The following TNNI3K variants were observed in gnomAD, a reference collection of about 807,000 sequenced individuals.
The protein encoded by TNNI3K is TNNI3 interacting kinase, also known as serine/threonine-protein kinase TNNI3K.
In TNNI3K, 140 loss-of-function variants were observed where a neutral mutation model predicts 114.5. The ratio of observed to expected loss-of-function variants is 1.22; its 90% confidence interval spans 1.07 to 1.41. The LOEUF (loss-of-function observed/expected upper bound fraction) is 1.41, where lower values mean the gene tolerates loss of function less well. Among genes scored for constraint, TNNI3K ranks in the 40% most tolerant of loss-of-function variants. The pLI, the probability that TNNI3K is intolerant of heterozygous loss-of-function variation, is 0.00. For missense variants in TNNI3K, 1,125 were observed against 1,007.6 expected, an observed-to-expected ratio of 1.12 and a Z score of -1.58; for synonymous variants, 347 against 347.5, an observed-to-expected ratio of 1.00 and a Z score of 0.02.
intron 11 of TNNI3K, among the ~76,000 whole-genome samples, chr1:74,365,715 T>C (rs973691829): frequency 6.6e-6 from 1 of 152,092 alleles, no homozygotes; most frequent in African/African-American, 2.4e-5. Flanking sequence ...TGTTGGCTAA[T>C]GTCCTTAAAT....
chr1:74,279,568 A>G (rs1355848825), intron 5 of TNNI3K, among the ~76,000 whole-genome samples: 1 of 144,152 alleles, frequency 6.9e-6, no homozygotes, highest in Middle Eastern at 3.3e-3. Context: ...TTTAAAAGAG[A>G]TATCTGAGGA....
chr1:74,518,075 G>A (rs1175736298), intron 23 of TNNI3K, among the ~76,000 whole-genome samples: 1 of 152,190 alleles, frequency 6.6e-6, no homozygotes, highest in African/African-American at 2.4e-5. Flanking sequence ...TAGGGCAGCC[G>A]TGTGCAGGTT....
intron 23 of TNNI3K, among the ~76,000 whole-genome samples, chr1:74,516,104 G>A (rs138757356): frequency 2.0e-5 from 3 of 152,192 alleles, no homozygotes; most frequent in Non-Finnish European, 4.4e-5. Context: ...GGCTGAGAAT[G>A]TAGGTCTGAA....
chr1:74,532,515 T>C (rs912963920), intron 23 of TNNI3K, among the ~76,000 whole-genome samples: 1 of 152,076 alleles, frequency 6.6e-6, no homozygotes, highest in East Asian at 1.9e-4. Context: ...AGGGTACATG[T>C]GCACAATGTG....
intron 23 of TNNI3K, among the ~76,000 whole-genome samples, chr1:74,513,367 G>C (rs1295116047): frequency 6.6e-6 from 1 of 152,196 alleles, no homozygotes; most frequent in Non-Finnish European, 1.5e-5. Context: ...GGGGATGCAG[G>C]GGCACTGGTA....
intron 20 of TNNI3K, among the ~76,000 whole-genome samples, chr1:74,445,413 T>A (rs1666598957): frequency 8.8e-6 from 1 of 113,524 alleles, no homozygotes; most frequent in Non-Finnish European, 1.7e-5. Context: ...ATATTCCCCT[T>A]CCTGTGTCCA....
chr1:74,353,953 T>G (rs536261540), intron 10 of TNNI3K, 27 bp from the exon 11 acceptor site: 1 of 1,585,932 alleles, frequency 6.3e-7, no homozygotes, highest in Non-Finnish European at 8.6e-7. Flanking sequence ...TTTCTCCTTT[T>G]GTTCTTTCAA....
intron 23 of TNNI3K, among the ~76,000 whole-genome samples, chr1:74,508,692 G>A (rs1670031358): frequency 1.3e-5 from 2 of 152,168 alleles, no homozygotes; most frequent in Non-Finnish European, 2.9e-5. Context: ...CCCAACCCGG[G>A]GCATATGTCT....
intron 21 of TNNI3K, among the ~76,000 whole-genome samples, chr1:74,473,739 G>A (rs113641585): frequency 1.2e-3 from 179 of 152,134 alleles, no homozygotes; most frequent in African/African-American, 4.1e-3. Context: ...CTGCTTGTTC[G>A]CTGTGTATTG....
chr1:74,334,321 T>C (rs2100420760), intron 6 of TNNI3K, among the ~76,000 whole-genome samples: 1 of 152,332 alleles, frequency 6.6e-6, no homozygotes, highest in East Asian at 1.9e-4. Flanking sequence ...TACCACATTC[T>C]TGAGAGATTT....
At chr1:74,248,436 G>A (rs546260996) in intron 2 of TNNI3K, among the ~76,000 whole-genome samples, 3 of 152,186 alleles carry the variant, frequency 2.0e-5, no homozygotes, top group South Asian at 2.1e-4. Flanking sequence ...GAGAGCGAGC[G>A]AGGGCTGCTA....
intron 5 of TNNI3K, among the ~76,000 whole-genome samples, chr1:74,287,745 C>T (rs1382696585): frequency 6.6e-6 from 1 of 151,998 alleles, no homozygotes; most frequent in Non-Finnish European, 1.5e-5. Context: ...TTGCATCAAA[C>T]TAAAAAGCAT....
intron 5 of TNNI3K, among the ~76,000 whole-genome samples, chr1:74,273,508 A>G (rs1336290927): frequency 6.6e-6 from 1 of 151,972 alleles, no homozygotes; most frequent in Non-Finnish European, 1.5e-5. Flanking sequence ...ATTACAGACT[A>G]TGTCTTCAAA....
At chr1:74,512,288 C>G (rs2100384821) in intron 23 of TNNI3K, among the ~76,000 whole-genome samples, 1 of 152,264 alleles carries the variant, frequency 6.6e-6, no homozygotes, top group East Asian at 1.9e-4. Context: ...GACATAGACA[C>G]AGTAGAGCTC....
At chr1:74,334,713 C>T (rs1660378638) in intron 6 of TNNI3K, among the ~76,000 whole-genome samples, 1 of 152,132 alleles carries the variant, frequency 6.6e-6, no homozygotes, top group South Asian at 2.1e-4. Context: ...GATGCCAGGG[C>T]TACTGTTTCT....
At chr1:74,307,379 C>T (rs1366435724) in intron 5 of TNNI3K, among the ~76,000 whole-genome samples, 1 of 152,052 alleles carries the variant, frequency 6.6e-6, no homozygotes, top group African/African-American at 2.4e-5. Flanking sequence ...ATTCAAGAGA[C>T]CCATCTTGCA....
intron 4 of TNNI3K, among the ~76,000 whole-genome samples, chr1:74,251,248 C>T (rs931286540): frequency 6.6e-6 from 1 of 152,198 alleles, no homozygotes; most frequent in Non-Finnish European, 1.5e-5. Flanking sequence ...TAGCCCCTGG[C>T]TCCAACCTAA....
At chr1:74,495,087 T>G (rs2100317867) in intron 23 of TNNI3K, among the ~76,000 whole-genome samples, 1 of 152,332 alleles carries the variant, frequency 6.6e-6, no homozygotes, top group Admixed American at 6.5e-5. Flanking sequence ...GAGATGCTCC[T>G]TTTGATATTC....
At chr1:74,278,283 T>A (rs1413681781) in intron 5 of TNNI3K, among the ~76,000 whole-genome samples, 1 of 152,160 alleles carries the variant, frequency 6.6e-6, no homozygotes, top group Non-Finnish European at 1.5e-5. Flanking sequence ...AAATAATAGT[T>A]AATGCTTTGA....
Sources: allele counts gnomAD v4.1 joint callset (sites outside exome capture counted in the v4.1 genomes callset), GRCh38; gene constraint gnomAD v4.1.1; transcripts MANE v1.5; gene names NCBI Gene and HGNC (gene_info 2026-07-23, HGNC 2026-07-21).